The following HAO1 variants were observed in gnomAD, a reference collection of about 807,000 sequenced individuals.
HAO1 encodes 2-Hydroxyacid oxidase 1.
Under a neutral mutation model 39.7 loss-of-function variants are expected in HAO1, and 34 were observed. That is an observed-to-expected ratio of 0.86 (90% confidence interval 0.65 to 1.14). The LOEUF is 1.14. Ranked by LOEUF, HAO1 falls within the 50% of genes most tolerant of loss-of-function variation. The pLI, the probability that HAO1 is intolerant of heterozygous loss-of-function variation, is 0.00. For synonymous variants in HAO1, 172 were observed against 173.2 expected, an observed-to-expected ratio of 0.99 and a Z score of 0.05; for missense variants, 479 against 464.5, an observed-to-expected ratio of 1.03 and a Z score of -0.29.
chr20:7,922,897 C>G (rs1425638425), intron 2 of HAO1, among the ~76,000 whole-genome samples: 2 of 152,026 alleles, frequency 1.3e-5, no homozygotes, highest in East Asian at 1.9e-4. Context: ...CCATTCCCCC[C>G]ACTCCATCTC....
At chr20:7,934,693 A>C (rs2079705831) in intron 1 of HAO1, 58 bp from the exon 2 acceptor site, 3 of 1,027,946 alleles carry the variant, frequency 2.9e-6, no homozygotes, top group Admixed American at 7.0e-5. Context: ...TCATAACCAA[A>C]ACTTTGACAT....
intron 4 of HAO1, among the ~76,000 whole-genome samples, chr20:7,904,348 G>C (rs1222273419): frequency 1.3e-5 from 2 of 152,180 alleles, no homozygotes; most frequent in African/African-American, 4.8e-5. Flanking sequence ...TGCAAAGCAT[G>C]ATTTCTGTAA....
At position 7,888,896 on chromosome 20, in the gene HAO1, C is replaced by G. The variant is rs188497331; in HGVS notation, c.814-3032G>C. ...TTCCACTCACTCTCTAGGAGACCTG[C>G]CACTTCATGAGAATGCTGGAAGATG... On this transcript the variant is annotated intron_variant, in intron 5 of 7. Transcript: ENST00000378789. Among the ~76,000 whole-genome samples, 3 of 152,216 alleles carry G rather than the reference C, an allele frequency of 2.0e-5. No homozygotes were observed. In the East Asian group the frequency reaches 5.8e-4, roughly 29 times the overall value.
Position 7,909,383 on chromosome 20 carries a change from A to ATATATATATATATATATATATG in HAO1, c.546-3076_546-3055dup, listed in dbSNP as rs2050266317. On this transcript the variant is annotated intron_variant, in intron 3 of 7. Coordinates refer to ENST00000378789, the MANE Select transcript of HAO1 (RefSeq NM_017545.3). ...GACATATATATATATATATATGTAT[A>ATATATATATATATATATATATG]TATATATATATATATATATATGCTT... Among the ~76,000 whole-genome samples, 71 of 124,748 alleles carry ATATATATATATATATATATATG rather than the reference A, an allele frequency of 5.7e-4. 1 individual carries two copies. The highest frequency in any genetic ancestry group is 2.3e-3 in the African/African-American group (67 of 29,102). 81.8% of individuals were successfully genotyped at this position (124,748 alleles called of 152,430 possible). A position where few individuals can be genotyped will look rare whatever the true frequency, so the allele number is the denominator to read the frequency against.
intron 1 of HAO1, among the ~76,000 whole-genome samples, chr20:7,935,810 A>G (rs977557890): frequency 2.0e-5 from 3 of 152,162 alleles, no homozygotes; most frequent in African/African-American, 7.2e-5. Flanking sequence ...TATTATTCTC[A>G]TTAGTACTGA....
At chr20:7,898,645 C>T (rs2050207911) in intron 4 of HAO1, among the ~76,000 whole-genome samples, 1 of 152,090 alleles carries the variant, frequency 6.6e-6, no homozygotes, top group Non-Finnish European at 1.5e-5. Flanking sequence ...TGTGCACTTC[C>T]ATCATACAGT....
intron 2 of HAO1, among the ~76,000 whole-genome samples, chr20:7,915,071 G>A (rs762982629): frequency 2.6e-5 from 4 of 152,160 alleles, no homozygotes; most frequent in Non-Finnish European, 5.9e-5. Flanking sequence ...AGTGAGCTGA[G>A]ATTGCAGCAT....
chr20:7,889,090 G>A (rs913802850), intron 5 of HAO1, among the ~76,000 whole-genome samples: 2 of 152,102 alleles, frequency 1.3e-5, no homozygotes, highest in East Asian at 3.9e-4. Context: ...TAATAATGAC[G>A]ATTGTGGTTT....
In HAO1 at chr20:7,920,403, A is replaced by G. The variant is rs73597954; in HGVS notation, c.290-5984T>C. On this transcript the variant is annotated intron_variant, in intron 2 of 7. Transcript: ENST00000378789. The stretch of plus-strand genomic sequence containing the variant: ...AGTGTGAAAGTGGACTAATACACCA[A>G]CTTACCATTTTTTTGTAGGGAGAAC... Among the ~76,000 whole-genome samples, 842 of 152,124 alleles carry G rather than the reference A, an allele frequency of 5.5e-3. 11 individuals carry two copies. The highest frequency in any genetic ancestry group is 0.019 in the African/African-American group (808 of 41,548).
In HAO1 at chr20:7,912,499, C is replaced by T. The variant is rs539086398; in HGVS notation, c.545+1665G>A. Reference sequence around the variant, plus strand: ...ATGGAGGAAAAGGAAGAACAAATTCCTTTTCAAATAGCCAAGGGGAAATAA... The same window carrying T: ...ATGGAGGAAAAGGAAGAACAAATTCTTTTTCAAATAGCCAAGGGGAAATAA... On this transcript the variant is annotated intron_variant, in intron 3 of 7. Coordinates refer to ENST00000378789, the MANE Select transcript of HAO1 (RefSeq NM_017545.3). Among the ~76,000 whole-genome samples, 4 of 151,918 alleles carry T rather than the reference C, an allele frequency of 2.6e-5. No individual in the cohort carries two copies. The South Asian group carries it at 8.3e-4, about 32-fold the overall frequency.
chr20:7,922,199 G>T (rs893160955), intron 2 of HAO1, among the ~76,000 whole-genome samples: 3 of 151,860 alleles, frequency 2.0e-5, no homozygotes, highest in Non-Finnish European at 4.4e-5. Context: ...TATGAAAGAA[G>T]CTCAGTATCA....
chr20:7,883,764 T>C, intron 7 of HAO1, 101 bp from the exon 8 acceptor site: 1 of 1,029,082 alleles, frequency 9.7e-7, no homozygotes, highest in Non-Finnish European at 1.5e-6. Flanking sequence ...ATGTAAGGTT[T>C]ATGATTCAAG....
rs77491953 is a variant in HAO1, at chr20:7,902,049, G to C, written c.721+4105C>G. Among the ~76,000 whole-genome samples the C allele has an allele frequency of 3.3e-5, 5 of 152,336 alleles. No individual in the cohort carries two copies. In the East Asian group the frequency reaches 9.6e-4, roughly 29 times the overall value. On this transcript the variant is annotated intron_variant, in intron 4 of 7. Coordinates refer to ENST00000378789, the MANE Select transcript of HAO1 (RefSeq NM_017545.3). The stretch of plus-strand genomic sequence containing the variant: ...AAATGAATGAAGAGTTTCTTCTTAT[G>C]ATGAGCAAAGAAAGTGGTTTCTTGG...
chr20:7,913,806 A>AGGGAAC (rs959214112), intron 3 of HAO1, among the ~76,000 whole-genome samples: 115 of 152,316 alleles, frequency 7.6e-4, no homozygotes, highest in African/African-American at 2.4e-3. Context: ...TGTCCCATGT[A>AGGGAAC]CCATTAAAAA....
Position 7,914,353 on chromosome 20 carries a change from G to T in HAO1, c.356C>A (p.Ala119Glu), listed in dbSNP as rs200686504. ...SWATSSIEEV[A>E]EAGPEALRWL... ...ACGAAGTGCCTCAGGACCAGCTTCC[G>T]CCACTTCTTCAATTGAGGAGGTGGC... Residue 119 changes from alanine to glutamate, a missense_variant, in exon 3 of 8, where the codon GCG becomes GAG. Physicochemically the swap from Ala to Glu is moderately radical, Grantham distance 107. Transcript: ENST00000378789. The T allele has an allele frequency of 6.2e-7, 1 of 1,613,834 alleles. No homozygotes were observed. Among genetic ancestry groups the T allele is most frequent in the South Asian group, 1.1e-5 (1 of 91,076 alleles).
chr20:7,887,261 A>G (rs551773921), intron 5 of HAO1, among the ~76,000 whole-genome samples: 39 of 152,300 alleles, frequency 2.6e-4, no homozygotes, highest in African/African-American at 9.1e-4. Context: ...AAAAATCTAA[A>G]TTAAGTACAA....
intron 2 of HAO1, among the ~76,000 whole-genome samples, chr20:7,916,676 A>C (rs2050308393): frequency 6.6e-6 from 1 of 152,210 alleles, no homozygotes; most frequent in African/African-American, 2.4e-5. Flanking sequence ...CTAAGTTCAA[A>C]TGAAATAAAA....
intron 5 of HAO1, among the ~76,000 whole-genome samples, chr20:7,894,209 G>C (rs192396574): frequency 6.6e-6 from 1 of 151,992 alleles, no homozygotes; most frequent in Non-Finnish European, 1.5e-5. Context: ...CCATGGCTTC[G>C]GATCCATTTC....
At chr20:7,932,839 T>A (rs1023896444) in intron 2 of HAO1, among the ~76,000 whole-genome samples, 4 of 152,162 alleles carry the variant, frequency 2.6e-5, no homozygotes, top group Non-Finnish European at 5.9e-5. Context: ...ATCATAATTA[T>A]TTCCTTGGAA....
Sources: gnomAD v4.1 joint callset for allele counts (sites outside exome capture counted in the v4.1 genomes callset) on GRCh38, gnomAD v4.1.1 for gene constraint, MANE v1.5 for transcripts, NCBI Gene and HGNC (gene_info 2026-07-23, HGNC 2026-07-21) for gene names.